The following ZNF723 variants were observed in gnomAD, a reference collection of about 807,000 sequenced individuals.
The protein encoded by ZNF723 is zinc finger protein 723, pseudogene.
A neutral mutation model predicts 9.4 loss-of-function variants in ZNF723; 5 were observed. The observed-to-expected ratio is 0.53, with a 90% CI of 0.28 to 1.12. ZNF723 has a LOEUF of 1.12. Among genes scored for constraint, ZNF723 ranks in the 50% most tolerant of loss-of-function variants. The pLI, the probability that ZNF723 is intolerant of heterozygous loss-of-function variation, is 0.10. For missense variants in ZNF723, 450 were observed against 501.5 expected, an observed-to-expected ratio of 0.90 and a Z score of 0.98; for synonymous variants, 158 against 168.8, an observed-to-expected ratio of 0.94 and a Z score of 0.49.
chr19:22,843,263 GA>G (rs1967270792), intron 1 of ZNF723, among the ~76,000 whole-genome samples: 3 of 152,172 alleles, frequency 2.0e-5, no homozygotes, highest in Admixed American at 2.0e-4. Flanking sequence ...GGGTCACTGG[GA>G]ACTCTCACAA....
At chr19:22,856,175 G>A in intron 3 of ZNF723, among the ~76,000 whole-genome samples, 1 of 152,078 alleles carries the variant, frequency 6.6e-6, no homozygotes. Flanking sequence ...TAGCCAGTAT[G>A]GTCTTTATCT....
At chr19:22,851,358 G>T (rs1599479435) in intron 3 of ZNF723, among the ~76,000 whole-genome samples, 1 of 152,010 alleles carries the variant, frequency 6.6e-6, no homozygotes, top group Admixed American at 6.6e-5. Flanking sequence ...TTTTAGTAGA[G>T]ACGGGGTTTC....
At chr19:22,815,958 T>C in the ZNF723 span, among the ~76,000 whole-genome samples, 1 of 152,316 alleles carries the variant, frequency 6.6e-6, no homozygotes, top group South Asian at 2.1e-4. Flanking sequence ...AGATTGTGAC[T>C]GTCATATGTG....
chr19:22,824,564 G>T, the ZNF723 span, among the ~76,000 whole-genome samples: 1 of 152,146 alleles, frequency 6.6e-6, no homozygotes, highest in Non-Finnish European at 1.5e-5. Context: ...TCTGTTACTT[G>T]CATGAAAGGT....
chr19:22,840,345 A>T (rs58499349), intron 1 of ZNF723: 1 of 144,426 alleles, frequency 6.9e-6, no homozygotes, highest in Non-Finnish European at 1.5e-5. Context: ...CTAATTTTGT[A>T]TTTTTAGTAT....
chr19:22,855,230 C>CTTT (rs71163413), intron 3 of ZNF723, among the ~76,000 whole-genome samples: 2 of 135,250 alleles, frequency 1.5e-5, no homozygotes, highest in Non-Finnish European at 1.6e-5. Context: ...TATGTGTTTT[C>CTTT]TTTTTTTTTT....
chr19:22,815,205 G>T, the ZNF723 span, among the ~76,000 whole-genome samples: 4,822 of 152,184 alleles, frequency 0.032, 235 homozygotes, highest in African/African-American at 0.11. Context: ...GTTACATATT[G>T]CTAGGTGTCA....
chr19:22,842,108 G>A (rs555112122), intron 1 of ZNF723, among the ~76,000 whole-genome samples: 5 of 152,108 alleles, frequency 3.3e-5, no homozygotes, highest in African/African-American at 4.8e-5. Flanking sequence ...AGGTTCAAGC[G>A]ATTCTCCTGC....
At chr19:22,855,738 CT>C (rs1392276263) in intron 3 of ZNF723, among the ~76,000 whole-genome samples, 1 of 152,134 alleles carries the variant, frequency 6.6e-6, no homozygotes, top group Non-Finnish European at 1.5e-5. Context: ...CAGTTCCCTT[CT>C]GGCCTCCAAA....
upstream of ZNF723, among the ~76,000 whole-genome samples, chr19:22,831,328 G>A (rs1178450279): frequency 6.6e-6 from 1 of 152,080 alleles, no homozygotes. Flanking sequence ...AGGCCGAGGC[G>A]GGCGGATCAC....
chr19:22,838,486 A>G (rs1210707074), intron 1 of ZNF723, among the ~76,000 whole-genome samples: 1 of 151,762 alleles, frequency 6.6e-6, no homozygotes, highest in Non-Finnish European at 1.5e-5. Flanking sequence ...CGGGAGGCGG[A>G]GGTTGTGGTG....
chr19:22,857,883 A>G lies in ZNF723; in HGVS notation c.992A>G (p.His331Arg). 3.5e-6 allele frequency: 5 copies of G among 1,420,922 alleles called. No individual in the cohort carries two copies. Among genetic ancestry groups the G allele is most frequent in the South Asian group, 2.3e-5 (2 of 87,014 alleles). The allele number at this position is 1,420,922 out of a possible 1,614,324, so 88.0% of individuals were successfully genotyped here. A position where few individuals can be genotyped will look rare whatever the true frequency, so the allele number is the denominator to read the frequency against. ...AFNQPSHLAT[H>R]KRIHTGEKLY... is the part of the protein sequence containing the mutation. ...AACCAGCCCTCACACCTTGCTACAC[A>G]TAAGAGAATTCATACTGGAGAGAAA... Residue 331 changes from histidine (H) to arginine (R), a missense_variant, in exon 4 of 4, where the codon CAT becomes CGT. His to Arg is a conservative substitution (Grantham distance 29, BLOSUM62 0). Transcript: ENST00000600766.
chr19:22,845,534 C>A (rs1967296625), intron 1 of ZNF723, among the ~76,000 whole-genome samples: 2 of 151,748 alleles, frequency 1.3e-5, no homozygotes, highest in Non-Finnish European at 2.9e-5. Flanking sequence ...ATTATAGGGC[C>A]TGTTCTGTTT....
upstream of ZNF723, among the ~76,000 whole-genome samples, chr19:22,831,611 C>T (rs1329368826): frequency 6.7e-6 from 1 of 148,484 alleles, no homozygotes; most frequent in Admixed American, 6.8e-5. Flanking sequence ...AGAAGATTGC[C>T]TTTTTAAAAA....
intron 3 of ZNF723, among the ~76,000 whole-genome samples, chr19:22,854,307 G>C (rs1014685843): frequency 6.6e-5 from 10 of 151,772 alleles, no homozygotes; most frequent in African/African-American, 2.4e-4. Context: ...ATATTATTTT[G>C]ATCTCTTCTT....
At chr19:22,850,505 T>A (rs1967379572) in intron 3 of ZNF723, among the ~76,000 whole-genome samples, 1 of 145,660 alleles carries the variant, frequency 6.9e-6, no homozygotes, top group Admixed American at 6.9e-5. Context: ...TTTTTTTTTT[T>A]TCTTTTTACT....
chr19:22,812,633 C>T, the ZNF723 span, among the ~76,000 whole-genome samples: 243 of 152,224 alleles, frequency 1.6e-3, 2 homozygotes, highest in East Asian at 0.028. Context: ...AAGAACCTAG[C>T]GCACAGGTGA....
At chr19:22,837,977 C>G (rs987332285) in intron 1 of ZNF723, among the ~76,000 whole-genome samples, 2 of 152,142 alleles carry the variant, frequency 1.3e-5, no homozygotes, top group Non-Finnish European at 2.9e-5. Context: ...GTAGCACAAG[C>G]CAGTCCTGCC....
chr19:22,853,019 A>G (rs1319015286), intron 3 of ZNF723, among the ~76,000 whole-genome samples: 1 of 152,058 alleles, frequency 6.6e-6, no homozygotes, highest in Non-Finnish European at 1.5e-5. Context: ...TATATTTCAA[A>G]TTATTTCTAC....
Sources: gnomAD v4.1 joint callset for allele counts (sites outside exome capture counted in the v4.1 genomes callset) on GRCh38, gnomAD v4.1.1 for gene constraint, MANE v1.5 for transcripts, NCBI Gene and HGNC (gene_info 2026-07-23, HGNC 2026-07-21) for gene names.